TSPYL1: variants seen among roughly 807,000 people sequenced by gnomAD.
TSPYL1 encodes TSPY like 1.
In TSPYL1, 16 loss-of-function variants were observed where a neutral mutation model predicts 20.1. The observed-to-expected ratio is 0.80, with a 90% CI of 0.54 to 1.21. The LOEUF is 1.21. Among genes scored for constraint, TSPYL1 ranks in the 50% most tolerant of loss-of-function variants. TSPYL1 has a pLI of 0.00. For missense variants in TSPYL1, 560 were observed against 569.3 expected (o/e 0.98, Z 0.17); for synonymous variants, 259 against 227.1 (o/e 1.14, Z -1.26).
At position 116,278,554 on chromosome 6, in the gene TSPYL1, A is replaced by G. The variant is rs1257416316; in HGVS notation, c.1277T>C (p.Val426Ala). The part of the protein sequence containing the change: ...RARRRPLREP[V>A]EIPRPFGFQS... ...GAACCCAAAGGGCCTGGGGATCTCTACAGGCTCCCTTAGCGGGCGACGTCG... is the reference window on the plus strand; with the variant it reads ...GAACCCAAAGGGCCTGGGGATCTCTGCAGGCTCCCTTAGCGGGCGACGTCG... The change falls in exon 1 of 1, where the codon GTA (valine) becomes GCA (alanine). Residue 426 changes from valine (V) to alanine (A), a missense_variant. By Grantham distance (64) the Val-to-Ala change is moderately conservative. Transcript: ENST00000368608. 1.2e-6 allele frequency: 2 copies of G among 1,614,060 alleles called. No individual in the cohort carries two copies. The highest frequency in any genetic ancestry group is 2.7e-5 in the African/African-American group (2 of 74,926).
Position 116,276,737 on chromosome 6 carries a change from C to T in TSPYL1, c.*1780G>A, listed in dbSNP as rs1773160825. 1 of 152,180 alleles carries T rather than the reference C, an allele frequency of 6.6e-6. No individual in the cohort carries two copies. Among genetic ancestry groups the T allele is most frequent in the Admixed American group, 6.5e-5 (1 of 15,286 alleles). 9.4% of individuals were successfully genotyped at this position (152,180 alleles called of 1,614,324 possible). Reference sequence around the variant, plus strand: ...AAAAATAAGAAATCTAGCAGAACAACATGCTTTTATTTTACCATCATGCAT... The same window carrying T: ...AAAAATAAGAAATCTAGCAGAACAATATGCTTTTATTTTACCATCATGCAT... On this transcript the variant is annotated 3_prime_UTR_variant, in exon 1 of 1. Coordinates refer to ENST00000368608, the MANE Select transcript of TSPYL1 (RefSeq NM_003309.4).
At position 116,275,924 on chromosome 6, in the gene TSPYL1, C is replaced by T. The variant is rs1477423556; in HGVS notation, c.*2593G>A. 1.3e-5 allele frequency among the ~76,000 whole-genome samples: 2 copies of T among 152,054 alleles called. No individual in the cohort carries two copies. On this transcript the variant is annotated 3_prime_UTR_variant, in exon 1 of 1. Transcript: ENST00000368608. ...CATGGGAAAAACATGAAAATATAAT[C>T]TCTGTATTTTATTTTACTGTATCAC...
Position 116,279,048 on chromosome 6 carries a change from A to C in TSPYL1, c.783T>G (p.Arg261=). 8 of 1,613,268 alleles carry C rather than the reference A, an allele frequency of 5.0e-6. No individual in the cohort carries two copies. Among genetic ancestry groups the C allele is most frequent in the Non-Finnish European group, 6.8e-6 (8 of 1,179,398 alleles). The stretch of plus-strand genomic sequence containing the variant: ...AGTTCCTCCGCTCCAGGTAGTGTCG[A>C]CGCATCCGCCCAAACTTGTGCTCCA... ...QQLEHKFGRM[R]RHYLERRNYI... is the part of the protein sequence containing the mutation. Residue 261 remains arginine, a synonymous_variant, in exon 1 of 1, where the codon CGT becomes CGG. Transcript: ENST00000368608.
chr6:116,278,957 T>C lies in TSPYL1; in HGVS notation c.874A>G (p.Met292Val), dbSNP rs1364019786. The change falls in exon 1 of 1, where the codon ATG (methionine) becomes GTG (valine). Residue 292 changes from methionine to valine, a missense_variant. Transcript: ENST00000368608. ...AFRNHPQLSA[M>V]IRGQDAEMLR... is the part of the protein sequence containing the mutation. ...ATCTCTGCATCTTGGCCCCTAATCA[T>C]GGCGGACAACTGGGGGTGGTTTCGA... The C allele has an allele frequency of 6.2e-7, 1 of 1,614,112 alleles. No homozygotes were observed. The highest frequency in any genetic ancestry group is 1.1e-5 in the South Asian group (1 of 91,080).
In TSPYL1 at chr6:116,279,858, C is replaced by A; in HGVS notation, c.-28G>T. 2 of 1,613,002 alleles carry A rather than the reference C, an allele frequency of 1.2e-6. No homozygotes were observed. Among genetic ancestry groups the A allele is most frequent in the Non-Finnish European group, 1.7e-6 (2 of 1,179,994 alleles). ...TGCTAACAGTCGGACCAACCGCAGG[C>A]GAACGCCCGTTTTCCTCAGAGGCCG... On this transcript the variant is annotated 5_prime_UTR_variant, in exon 1 of 1. Transcript: ENST00000368608.
chr6:116,279,857 G>A lies in TSPYL1; in HGVS notation c.-27C>T, dbSNP rs766823219. On this transcript the variant is annotated 5_prime_UTR_variant, in exon 1 of 1. Coordinates refer to ENST00000368608, the MANE Select transcript of TSPYL1 (RefSeq NM_003309.4). ...TTGCTAACAGTCGGACCAACCGCAG[G>A]CGAACGCCCGTTTTCCTCAGAGGCC... 3.7e-6 allele frequency: 6 copies of A among 1,613,010 alleles called. No individual in the cohort carries two copies. The East Asian group carries it at 1.1e-4, about 30-fold the overall frequency.
Position 116,278,450 on chromosome 6 carries a change from T to G in TSPYL1, c.*67A>C. ...CAATAGAAGGCATACTCATTGCTGA[T>G]GCCCAAGCACAGGTCCAGCAGAAGG... On this transcript the variant is annotated 3_prime_UTR_variant, in exon 1 of 1. Transcript: ENST00000368608. 6.2e-7 allele frequency: 1 copy of G among 1,607,564 alleles called. No homozygotes were observed. Among genetic ancestry groups the G allele is most frequent in the Non-Finnish European group, 8.5e-7 (1 of 1,175,776 alleles).
Position 116,275,983 on chromosome 6 carries a change from C to G in TSPYL1, c.*2534G>C, listed in dbSNP as rs1773124078. On this transcript the variant is annotated 3_prime_UTR_variant, in exon 1 of 1. Transcript: ENST00000368608. ...TTCTTTGTTTGCTTATCAGTCCTTC[C>G]CCAGTTCCCCAAAGAAGGGAATGGA... 6.6e-6 allele frequency among the ~76,000 whole-genome samples: 1 copy of G among 152,172 alleles called. No homozygotes were observed. The highest frequency in any genetic ancestry group is 2.4e-5 in the African/African-American group (1 of 41,438).
chr6:116,278,750 G>A lies in TSPYL1; in HGVS notation c.1081C>T (p.His361Tyr). ...LSTPIIWRRG[H>Y]EPQSFIRRNQ... ...CTGCGAATGAAGGACTGGGGTTCAT[G>A]CCCCCTGCGCCATATAATTGGAGTA... Residue 361 changes from histidine (H) to tyrosine (Y), a missense_variant, in exon 1 of 1, where the codon CAT (histidine) becomes TAT (tyrosine). Coordinates refer to ENST00000368608, the MANE Select transcript of TSPYL1 (RefSeq NM_003309.4). The A allele has an allele frequency of 1.2e-6, 2 of 1,614,128 alleles. No homozygotes were observed. Among genetic ancestry groups the A allele is most frequent in the Non-Finnish European group, 1.7e-6 (2 of 1,179,998 alleles).
chr6:116,275,281 TAAG>T lies in TSPYL1; in HGVS notation c.*3233_*3235del, dbSNP rs1318649133. ...AAGTATATAAAAGGTAACCCAAAAT[TAAG>T]TAGTGCTCTGTTAAAATGCAAGTGA... On this transcript the variant is annotated 3_prime_UTR_variant, in exon 1 of 1. Transcript: ENST00000368608. Among the ~76,000 whole-genome samples, 1 of 152,208 alleles carries T rather than the reference TAAG, an allele frequency of 6.6e-6. No individual in the cohort carries two copies. The highest frequency in any genetic ancestry group is 1.5e-5 in the Non-Finnish European group (1 of 68,034).
rs1161957918 is a variant in TSPYL1, at chr6:116,277,607, A to G, written c.*910T>C. The G allele has an allele frequency of 1.3e-5, 2 of 152,206 alleles. No individual in the cohort carries two copies. The highest frequency in any genetic ancestry group is 2.9e-5 in the Non-Finnish European group (2 of 68,054). The allele number at this position is 152,206 out of a possible 1,614,324, so 9.4% of individuals were successfully genotyped here. On this transcript the variant is annotated 3_prime_UTR_variant, in exon 1 of 1. Transcript: ENST00000368608. ...CTGAAAATGACAGAGCCAAAATGAA[A>G]TAAAAACCTTGCTTTTACAAATGTT...
chr6:116,279,394 G>C lies in TSPYL1; in HGVS notation c.437C>G (p.Ala146Gly). The change falls in exon 1 of 1, where the codon GCG (alanine) becomes GGG (glycine). Residue 146 changes from alanine to glycine, a missense_variant. Coordinates refer to ENST00000368608, the MANE Select transcript of TSPYL1 (RefSeq NM_003309.4). The stretch of plus-strand genomic sequence containing the variant: ...CTCCTCCGCCTCAGCCTCCGCCCCC[G>C]CCGTCAGCTCAGACGCGGATCTCTG... ...GAQRSASELT[A>G]GAEAEAEEVK... The C allele has an allele frequency of 1.2e-6, 2 of 1,612,866 alleles. No individual in the cohort carries two copies. The highest frequency in any genetic ancestry group is 2.2e-5 in the South Asian group (2 of 91,070).
In TSPYL1 at chr6:116,275,422, T is replaced by G. The variant is rs1302890631; in HGVS notation, c.*3095A>C. Among the ~76,000 whole-genome samples, 1 of 152,252 alleles carries G rather than the reference T, an allele frequency of 6.6e-6. No homozygotes were observed. ...CATTTTCCCATTTGCTCATTAAATC[T>G]TTCTGAGAACTAGGTTATTTTGTTC... On this transcript the variant is annotated 3_prime_UTR_variant, in exon 1 of 1. Coordinates refer to ENST00000368608, the MANE Select transcript of TSPYL1 (RefSeq NM_003309.4).
At position 116,279,901 on chromosome 6, in the gene TSPYL1, C is replaced by G. The variant is rs978954023; in HGVS notation, c.-71G>C. On this transcript the variant is annotated 5_prime_UTR_variant, in exon 1 of 1. Transcript: ENST00000368608. ...AGAGGCCGAACTGGGAGCTAACCGC[C>G]GCTCGCACCGCCCACCCTACAGTCT... 1.6e-5 allele frequency: 25 copies of G among 1,597,210 alleles called. No individual in the cohort carries two copies. Among genetic ancestry groups the G allele is most frequent in the Non-Finnish European group, 2.1e-5 (24 of 1,165,968 alleles).
rs760151234 is a variant in TSPYL1 at position 116,279,176 on chromosome 6, C to T, written c.655G>A (p.Gly219Arg). Reference protein sequence around the residue: ...RLEEEAREEEGPWPLHEALRM... With the variant: ...RLEEEAREEERPWPLHEALRM... The stretch of plus-strand genomic sequence containing the variant: ...AGAGCCTCATGCAAAGGCCAGGGCC[C>T]TTCTTCCTCCCTCGCCTCCTCCTCC... Residue 219 changes from glycine (G) to arginine (R), a missense_variant, in exon 1 of 1, where the codon GGG (glycine) becomes AGG (arginine). By Grantham distance (125) the Gly-to-Arg change is moderately radical (BLOSUM62 -2). Transcript: ENST00000368608. 6 of 1,612,918 alleles carry T rather than the reference C, an allele frequency of 3.7e-6. No homozygotes were observed. Among genetic ancestry groups the T allele is most frequent in the Non-Finnish European group, 5.1e-6 (6 of 1,179,854 alleles).
Position 116,279,877 on chromosome 6 carries a change from G to C in TSPYL1, c.-47C>G. On this transcript the variant is annotated 5_prime_UTR_variant, in exon 1 of 1. Coordinates refer to ENST00000368608, the MANE Select transcript of TSPYL1 (RefSeq NM_003309.4). ...CGCAGGCGAACGCCCGTTTTCCTCA[G>C]AGGCCGAACTGGGAGCTAACCGCCG... The C allele has an allele frequency of 6.2e-7, 1 of 1,612,868 alleles. No individual in the cohort carries two copies. The highest frequency in any genetic ancestry group is 8.5e-7 in the Non-Finnish European group (1 of 1,179,904).
rs557882952 is a variant in TSPYL1 at position 116,278,147 on chromosome 6, G to A, written c.*370C>T. On this transcript the variant is annotated 3_prime_UTR_variant, in exon 1 of 1. Coordinates refer to ENST00000368608, the MANE Select transcript of TSPYL1 (RefSeq NM_003309.4). ...AATGCAGAGCTGAGTAGGTGGAACAGGCTCCCAAAGCTAGAAATCCAAGTG... is the reference window on the plus strand; with the variant it reads ...AATGCAGAGCTGAGTAGGTGGAACAAGCTCCCAAAGCTAGAAATCCAAGTG... 7 of 311,298 alleles carry A rather than the reference G, an allele frequency of 2.2e-5. No individual in the cohort carries two copies. In the East Asian group the frequency reaches 5.6e-4, roughly 25 times the overall value. The allele number at this position is 311,298 out of a possible 1,614,324, so 19.3% of individuals were successfully genotyped here.
chr6:116,279,919 T>C lies in TSPYL1; in HGVS notation c.-89A>G. 6.4e-7 allele frequency: 1 copy of C among 1,568,104 alleles called. No individual in the cohort carries two copies. The highest frequency in any genetic ancestry group is 8.8e-7 in the Non-Finnish European group (1 of 1,139,790). ...TAACCGCCGCTCGCACCGCCCACCC[T>C]ACAGTCTCACTAACATTTCAGCGGC... On this transcript the variant is annotated 5_prime_UTR_variant, in exon 1 of 1. Transcript: ENST00000368608.
rs374966911 is a variant in TSPYL1, at chr6:116,279,371, C to T, written c.460G>A (p.Glu154Lys). 14 of 1,612,362 alleles carry T rather than the reference C, an allele frequency of 8.7e-6. No individual in the cohort carries two copies. Among genetic ancestry groups the T allele is most frequent in the Non-Finnish European group, 1.2e-5 (14 of 1,180,040 alleles). The change falls in exon 1 of 1, where the codon GAG becomes AAG. Residue 154 changes from glutamate to lysine, a missense_variant. Glu to Lys is a moderately conservative substitution (Grantham distance 56). Coordinates refer to ENST00000368608, the MANE Select transcript of TSPYL1 (RefSeq NM_003309.4). The part of the protein sequence containing the change: ...LTAGAEAEAE[E>K]VKTGKCATVS... ...GTGGCGCACTTTCCTGTCTTCACCT[C>T]CTCCGCCTCAGCCTCCGCCCCCGCC...
Sources: allele counts gnomAD v4.1 joint callset (sites outside exome capture counted in the v4.1 genomes callset), GRCh38; gene constraint gnomAD v4.1.1; transcripts MANE v1.5; gene names NCBI Gene and HGNC (gene_info 2026-07-23, HGNC 2026-07-21).